The following TRPM4 variants were observed in gnomAD, a reference collection of about 807,000 sequenced individuals.
TRPM4 encodes the protein transient receptor potential cation channel subfamily M member 4.
Under a neutral mutation model 135.6 loss-of-function variants are expected in TRPM4, and 124 were observed. The ratio of observed to expected loss-of-function variants is 0.91; its 90% CI spans 0.79 to 1.06. TRPM4 has a LOEUF of 1.06. Among genes scored for constraint, TRPM4 ranks in the 50% least tolerant of loss-of-function variants. The probability of loss-of-function intolerance (pLI) is 0.00; values close to 1 mark genes in which losing one functional copy is unlikely to be tolerated. For missense variants in TRPM4, 1,658 were observed against 1,671.4 expected (o/e 0.99, Z 0.14); for synonymous variants, 745 against 705.6 (o/e 1.06, Z -0.88).
intron 12 of TRPM4, among the ~76,000 whole-genome samples, chr19:49,184,092 C>G (rs563369736): frequency 6.6e-6 from 1 of 152,206 alleles, no homozygotes; most frequent in African/African-American, 2.4e-5. Context: ...GTTCCTTGAG[C>G]TTCCTGGATG....
At chr19:49,174,216 G>A (rs190725538) in intron 9 of TRPM4, among the ~76,000 whole-genome samples, 15 of 152,164 alleles carry the variant, frequency 9.9e-5, no homozygotes, top group South Asian at 8.3e-4. Flanking sequence ...GCAGTGGTGC[G>A]AGCTTGGCTC....
intron 12 of TRPM4, among the ~76,000 whole-genome samples, chr19:49,187,757 G>C (rs1968252283): frequency 6.6e-6 from 1 of 152,170 alleles, no homozygotes; most frequent in Non-Finnish European, 1.5e-5. Flanking sequence ...GAGGATTCAG[G>C]GATCAGAGCT....
Position 49,210,373 on chromosome 19 carries a change from C to G in TRPM4, c.3296C>G (p.Pro1099Arg). The G allele has an allele frequency of 6.2e-7, 1 of 1,614,052 alleles. No individual in the cohort carries two copies. Among genetic ancestry groups the G allele is most frequent in the Non-Finnish European group, 8.5e-7 (1 of 1,180,044 alleles). ...CAATTGTGCAGGCGACCCCGGAGCC[C>G]CCAGCCGTCCTCCCCGGCCCTCGAG... Reference protein sequence around the residue: ...LRQLCRRPRSPQPSSPALEHF... With the variant: ...LRQLCRRPRSRQPSSPALEHF... Residue 1099 changes from proline to arginine, a missense_variant, in exon 21 of 25, where the codon CCC (proline) becomes CGC (arginine). Pro to Arg is a moderately radical substitution (Grantham distance 103). Coordinates refer to ENST00000252826, the MANE Select transcript of TRPM4 (RefSeq NM_017636.4). This position sits in a 1 kb window ranked among gnomAD's most constrained non-coding sequence, Gnocchi z 4.1.
intron 2 of TRPM4, chr19:49,158,499 C>T (rs2041562705): frequency 1.8e-6 from 1 of 559,252 alleles, no homozygotes; most frequent in African/African-American, 1.9e-5. Flanking sequence ...GGTTCTGCTT[C>T]TTTCCTCCCC....
intron 2 of TRPM4, among the ~76,000 whole-genome samples, chr19:49,163,648 C>T (rs1380615464): frequency 6.6e-6 from 1 of 152,126 alleles, no homozygotes; most frequent in East Asian, 1.9e-4. Flanking sequence ...TGCACCACCA[C>T]ACCTGGCTAA....
chr19:49,185,448 C>T (rs536054517), intron 12 of TRPM4, among the ~76,000 whole-genome samples: 1 of 152,206 alleles, frequency 6.6e-6, no homozygotes, highest in Non-Finnish European at 1.5e-5. Flanking sequence ...ACTATGTTGC[C>T]CAGGTTGGTC....
intron 2 of TRPM4, among the ~76,000 whole-genome samples, chr19:49,162,057 A>G (rs1966986444): frequency 6.6e-6 from 1 of 152,204 alleles, no homozygotes; most frequent in Non-Finnish European, 1.5e-5. Flanking sequence ...GAAAGCCACA[A>G]ACAAGTCAGG....
chr19:49,181,410 C>A lies in TRPM4; in HGVS notation c.1212C>A (p.Asn404Lys), dbSNP rs755499876. The A allele has an allele frequency of 5.6e-6, 9 of 1,613,910 alleles. No individual in the cohort carries two copies. The highest frequency in any genetic ancestry group is 1.7e-5 in the Admixed American group (1 of 59,974). Reference sequence around the variant, plus strand: ...AGCTGCGTTTGGCTGTGGCTTGGAACCGCGTGGACATTGCCCAGAGTGAAC... The same window carrying A: ...AGCTGCGTTTGGCTGTGGCTTGGAAACGCGTGGACATTGCCCAGAGTGAAC... ...LDELRLAVAW[N>K]RVDIAQSELF... is the part of the protein sequence containing the mutation. Residue 404 changes from asparagine (N) to lysine (K), a missense_variant, in exon 10 of 25, where the codon AAC becomes AAA. This residue lies in a region of TRPM4 where 1,412 missense variants were observed against 1,408.7 expected (regional missense o/e 1.00). Coordinates refer to ENST00000252826, the MANE Select transcript of TRPM4 (RefSeq NM_017636.4).
intron 20 of TRPM4, among the ~76,000 whole-genome samples, chr19:49,202,881 C>T (rs999148121): frequency 4.6e-5 from 5 of 109,602 alleles, no homozygotes; most frequent in South Asian, 3.1e-4. Flanking sequence ...ATTTTTACTT[C>T]TTTTTTTTTT....
At chr19:49,163,819 G>T (rs1281448851) in intron 2 of TRPM4, among the ~76,000 whole-genome samples, 1 of 152,226 alleles carries the variant, frequency 6.6e-6, no homozygotes, top group Non-Finnish European at 1.5e-5. Context: ...TTTCTGGGAA[G>T]TAGCTGCAGG....
At chr19:49,206,130 T>G (rs554840617) in intron 20 of TRPM4, among the ~76,000 whole-genome samples, 1 of 149,496 alleles carries the variant, frequency 6.7e-6, no homozygotes. Flanking sequence ...CCGGCTAATT[T>G]TTTTGTATTT....
intron 15 of TRPM4, 90 bp from the exon 16 acceptor site, chr19:49,190,606 C>T (rs1600482641): frequency 7.4e-7 from 1 of 1,344,070 alleles, no homozygotes; most frequent in Non-Finnish European, 1.1e-6. Flanking sequence ...TCTGCCATGT[C>T]TCCGGGTGAA....
chr19:49,166,298 C>A, intron 3 of TRPM4, 83 bp downstream of exon 3: 1 of 1,424,570 alleles, frequency 7.0e-7, no homozygotes, highest in Non-Finnish European at 9.4e-7. Context: ...GACGCCCGCC[C>A]TGAACCCTGG....
chr19:49,198,110 CTA>C (rs1968766401), intron 17 of TRPM4, among the ~76,000 whole-genome samples: 2 of 152,108 alleles, frequency 1.3e-5, no homozygotes, highest in Non-Finnish European at 2.9e-5. Flanking sequence ...TTCCTCTAAG[CTA>C]TGTTAGCAGT....
rs149966642 is a variant in TRPM4, at chr19:49,185,252, CTTGTTG to C, written c.1743+2050_1743+2055del. Among the ~76,000 whole-genome samples, 1,053 of 150,828 alleles carry C rather than the reference CTTGTTG, an allele frequency of 7.0e-3. 13 individuals carry two copies. The highest frequency in any genetic ancestry group is 0.024 in the African/African-American group (1,002 of 41,072). On this transcript the variant is annotated intron_variant, in intron 12 of 24. Transcript: ENST00000252826. ...TTCTTTTATTTATTTATTTGTTGTTCTTGTTGTTGTTGTTGAGACAGAGTCTCATTC... is the reference window on the plus strand; with the variant it reads ...TTCTTTTATTTATTTATTTGTTGTTCTTGTTGTTGAGACAGAGTCTCATTC...
chr19:49,195,359 T>C (rs1968589393), intron 16 of TRPM4, among the ~76,000 whole-genome samples: 1 of 152,114 alleles, frequency 6.6e-6, no homozygotes, highest in African/African-American at 2.4e-5. Context: ...TGGTCTTTTC[T>C]TCTTCTTCTT....
chr19:49,168,338 C>T lies in TRPM4; in HGVS notation c.527C>T (p.Ala176Val), dbSNP rs753513050. 1 of 1,614,096 alleles carries T rather than the reference C, an allele frequency of 6.2e-7. No homozygotes were observed. Among genetic ancestry groups the T allele is most frequent in the Non-Finnish European group, 8.5e-7 (1 of 1,180,022 alleles). ...VGVAVRDHQM[A>V]STGGTKVVAM... ...GTGGCTGTACGGGACCATCAGATGG[C>T]CAGCACTGGGGGCACCAAGGTGGTG... The change falls in exon 5 of 25, where the codon GCC (alanine) becomes GTC (valine). Residue 176 changes from alanine to valine, a missense_variant. This residue lies in a region of TRPM4 where 7 missense variants were observed against 22.6 expected (regional missense o/e 0.31). Coordinates refer to ENST00000252826, the MANE Select transcript of TRPM4 (RefSeq NM_017636.4).
chr19:49,169,258 G>T (rs889599404), intron 6 of TRPM4, among the ~76,000 whole-genome samples: 3 of 150,150 alleles, frequency 2.0e-5, no homozygotes, highest in African/African-American at 7.4e-5. Flanking sequence ...ATGCACGAAG[G>T]TGGACAGCTT....
rs781527826 is a variant in TRPM4, at chr19:49,171,724, C to T, written c.1005C>T (p.Ile335=). Residue 335 remains isoleucine (I), a synonymous_variant, in exon 8 of 25, where the codon ATC becomes ATT. Transcript: ENST00000252826. The surrounding 1 kb of genome is among the most constrained non-coding windows in gnomAD (Gnocchi z 4.7). ...GARQGEARDR[I]RRFFPKGDLE... is the part of the protein sequence containing the mutation. ...GGCAAGGCGAAGCCCGAGATCGAAT[C>T]AGGCGTTTCTTTCCCAAAGGGGACC... 2.5e-6 allele frequency: 4 copies of T among 1,613,176 alleles called. No individual in the cohort carries two copies. The highest frequency in any genetic ancestry group is 1.1e-5 in the South Asian group (1 of 91,086).
Sources: gnomAD v4.1 joint callset for allele counts (sites outside exome capture counted in the v4.1 genomes callset) on GRCh38, gnomAD v4.1.1 for gene constraint, gnomAD v4.1.1 regional missense constraint, Gnocchi (gnomAD v3.1) non-coding constraint, MANE v1.5 for transcripts, NCBI Gene and HGNC (gene_info 2026-07-23, HGNC 2026-07-21) for gene names.